IGBP1C: variants seen among roughly 807,000 people sequenced by gnomAD.
IGBP1C encodes the protein IGBP1 family member C.
the IGBP1C span, among the ~76,000 whole-genome samples, chr17:58,669,877 C>G: frequency 3.3e-5 from 5 of 152,082 alleles, no homozygotes; most frequent in Non-Finnish European, 5.9e-5. Context: ...CTCCCTTGCC[C>G]AAAGCCCTTC....
chr17:58,685,047 T>C, the IGBP1C span, among the ~76,000 whole-genome samples: 2 of 152,132 alleles, frequency 1.3e-5, no homozygotes, highest in African/African-American at 4.8e-5. Flanking sequence ...CAAATGTAGA[T>C]CTAAACCATA....
At chr17:58,672,840 T>C in the IGBP1C span, among the ~76,000 whole-genome samples, 1 of 152,042 alleles carries the variant, frequency 6.6e-6, no homozygotes, top group East Asian at 1.9e-4. Flanking sequence ...CAAGCGATTC[T>C]CCTGCTTCAG....
At chr17:58,672,338 C>T in the IGBP1C span, among the ~76,000 whole-genome samples, 1 of 152,192 alleles carries the variant, frequency 6.6e-6, no homozygotes, top group African/African-American at 2.4e-5. Flanking sequence ...TCCCATTTCC[C>T]CAGCACTGCT....
the IGBP1C span, among the ~76,000 whole-genome samples, chr17:58,688,377 C>T: frequency 6.6e-6 from 1 of 152,134 alleles, no homozygotes; most frequent in Non-Finnish European, 1.5e-5. Flanking sequence ...GCCTCAGCCT[C>T]CTAAAGTGAT....
the IGBP1C span, among the ~76,000 whole-genome samples, chr17:58,673,692 G>A: frequency 6.6e-6 from 1 of 151,894 alleles, no homozygotes; most frequent in African/African-American, 2.4e-5. Context: ...CTCCCGAGTA[G>A]CTGGGACCAC....
chr17:58,669,222 C>T, the IGBP1C span, among the ~76,000 whole-genome samples: 4 of 151,938 alleles, frequency 2.6e-5, no homozygotes, highest in Non-Finnish European at 5.9e-5. Flanking sequence ...TATGGTGGTA[C>T]ACGCCTCTAA....
At chr17:58,674,171 G>A in the IGBP1C span, among the ~76,000 whole-genome samples, 1 of 151,992 alleles carries the variant, frequency 6.6e-6, no homozygotes, top group African/African-American at 2.4e-5. Flanking sequence ...AGCTACTCGG[G>A]AGGCTAAGGC....
At chr17:58,677,319 G>A in the IGBP1C span, among the ~76,000 whole-genome samples, 1 of 152,084 alleles carries the variant, frequency 6.6e-6, no homozygotes, top group Non-Finnish European at 1.5e-5. Flanking sequence ...AATCCTTCCT[G>A]AGTTTGATTT....
the IGBP1C span, among the ~76,000 whole-genome samples, chr17:58,684,172 C>T: frequency 2.0e-5 from 3 of 150,976 alleles, no homozygotes; most frequent in Non-Finnish European, 4.4e-5. Flanking sequence ...AAAAAAAATG[C>T]TTCCGCCCGG....
At chr17:58,660,558 C>T in the IGBP1C span, 1 of 779,490 alleles carries the variant, frequency 1.3e-6, no homozygotes, top group Middle Eastern at 2.3e-4. Context: ...CCCTGCAGTC[C>T]TGCGGTGTTG....
the IGBP1C span, among the ~76,000 whole-genome samples, chr17:58,686,734 G>A: frequency 6.6e-6 from 1 of 151,922 alleles, no homozygotes; most frequent in African/African-American, 2.4e-5. Flanking sequence ...ATATGTCTGA[G>A]GCCTTAAAGA....
chr17:58,689,046 T>C, the IGBP1C span, among the ~76,000 whole-genome samples: 1 of 152,044 alleles, frequency 6.6e-6, no homozygotes, highest in African/African-American at 2.4e-5. Flanking sequence ...TTCTCCTGCC[T>C]CAGCCTCCCA....
the IGBP1C span, among the ~76,000 whole-genome samples, chr17:58,670,771 T>TCAAAAA: frequency 2.9e-3 from 23 of 7,954 alleles, 11 homozygotes; most frequent in Admixed American, 0.011. Flanking sequence ...AGACTCCCTC[T>TCAAAAA]TAAAAAAAAA....
the IGBP1C span, among the ~76,000 whole-genome samples, chr17:58,674,342 C>A: frequency 6.6e-6 from 1 of 151,828 alleles, no homozygotes; most frequent in Non-Finnish European, 1.5e-5. Flanking sequence ...ATTGAACCCA[C>A]ATCCTTTTCA....
At chr17:58,676,218 A>G in the IGBP1C span, among the ~76,000 whole-genome samples, 1 of 152,170 alleles carries the variant, frequency 6.6e-6, no homozygotes, top group African/African-American at 2.4e-5. Context: ...TCTACTAAAA[A>G]TAAGAAAATT....
the IGBP1C span, among the ~76,000 whole-genome samples, chr17:58,670,123 G>A: frequency 6.6e-6 from 1 of 152,072 alleles, no homozygotes. Context: ...CTCTTCCCAC[G>A]CTGAGCTCCC....
the IGBP1C span, among the ~76,000 whole-genome samples, chr17:58,688,075 T>C: frequency 2.6e-5 from 4 of 152,318 alleles, no homozygotes; most frequent in Middle Eastern, 6.8e-3. Context: ...AAATAAAATA[T>C]ATAAAAGTAC....
At chr17:58,684,196 G>A in the IGBP1C span, among the ~76,000 whole-genome samples, 2 of 150,902 alleles carry the variant, frequency 1.3e-5, no homozygotes, top group East Asian at 2.0e-4. Context: ...GGTGACTCAC[G>A]TGAGCCTATA....
At chr17:58,660,441 A>T in the IGBP1C span, 3 of 506,072 alleles carry the variant, frequency 5.9e-6, no homozygotes, top group East Asian at 9.4e-5. Flanking sequence ...TTAACACTTT[A>T]TTGAACTCAA....
Sources: gnomAD v4.1 joint callset for allele counts (sites outside exome capture counted in the v4.1 genomes callset) on GRCh38, gnomAD v4.1.1 for gene constraint, MANE v1.5 for transcripts, NCBI Gene and HGNC (gene_info 2026-07-23, HGNC 2026-07-21) for gene names.